The following PPAN variants were observed in gnomAD, a reference collection of about 807,000 sequenced individuals.
PPAN encodes the protein peter pan homolog, also known as suppressor of SWI4 1 homolog.
A neutral mutation model predicts 48.5 loss-of-function variants in PPAN; 39 were observed. The ratio of observed to expected loss-of-function variants is 0.80; its 90% CI spans 0.62 to 1.05. The LOEUF is 1.05. PPAN is among the 50% of genes least tolerant of loss of function. PPAN has a pLI of 0.00. For synonymous variants in PPAN, 315 were observed against 268.6 expected, an observed-to-expected ratio of 1.17 and a Z score of -1.69; for missense variants, 736 against 661.7, an observed-to-expected ratio of 1.11 and a Z score of -1.23.
In PPAN at chr19:10,110,087, G is replaced by A. The variant is rs1294452813; in HGVS notation, c.699-36G>A. ...CCCCAGAACAGGACCGGGAGCCTGA[G>A]CTCCCCCACTGAGCCCTGTTATGTC... On this transcript the variant is annotated intron_variant, in intron 7 of 11. Transcript: ENST00000253107. This position sits in a 1 kb window ranked among gnomAD's most constrained non-coding sequence, Gnocchi z 5.9. 3.1e-6 allele frequency: 5 copies of A among 1,609,614 alleles called. No homozygotes were observed. Among genetic ancestry groups the A allele is most frequent in the East Asian group, 2.2e-5 (1 of 44,784 alleles).
Position 10,108,102 on chromosome 19 carries a change from C to A in PPAN, c.481C>A (p.Gln161Lys). Reference protein sequence around the residue: ...MHVKLMATMFQNLFPSINVHK... With the variant: ...MHVKLMATMFKNLFPSINVHK... ...TGTGAAGCTCATGGCCACCATGTTC[C>A]AGAACCTGTTCCCCTCCATCAACGT... Residue 161 changes from glutamine (Q) to lysine (K), a missense_variant, in exon 5 of 12, where the codon CAG becomes AAG. By Grantham distance (53) the Gln-to-Lys change is moderately conservative (BLOSUM62 1). Coordinates refer to ENST00000253107, the MANE Select transcript of PPAN (RefSeq NM_020230.7). 6.2e-7 allele frequency: 1 copy of A among 1,613,450 alleles called. No individual in the cohort carries two copies. The highest frequency in any genetic ancestry group is 8.5e-7 in the Non-Finnish European group (1 of 1,179,578).
chr19:10,110,021 G>T lies in PPAN; in HGVS notation c.698+1G>T, dbSNP rs984580152. The T allele has an allele frequency of 4.5e-5, 73 of 1,613,738 alleles. No homozygotes were observed. The highest frequency in any genetic ancestry group is 5.9e-5 in the Non-Finnish European group (70 of 1,179,918). On this transcript the variant is annotated splice_donor_variant, in intron 7 of 11. Coordinates refer to ENST00000253107, the MANE Select transcript of PPAN (RefSeq NM_020230.7). LOFTEE classifies it high-confidence loss of function. The surrounding 1 kb of genome is among the most constrained non-coding windows in gnomAD (Gnocchi z 5.9). ...AGGACATCAGCGAGCTGCTGGCCAC[G>T]TGAGGAGGGCATAGGGCGGGAGGCC... is the stretch of plus-strand genomic sequence containing the variant.
chr19:10,110,059 G>T lies in PPAN; in HGVS notation c.698+39G>T. 1 of 1,611,474 alleles carries T rather than the reference G, an allele frequency of 6.2e-7. No homozygotes were observed. Among genetic ancestry groups the T allele is most frequent in the South Asian group, 1.1e-5 (1 of 91,058 alleles). ...AGGGCGGGAGGCCACTGCGGCCCGG[G>T]GACCCCAGAACAGGACCGGGAGCCT... On this transcript the variant is annotated intron_variant, in intron 7 of 11. Transcript: ENST00000253107. The surrounding 1 kb of genome is among the most constrained non-coding windows in gnomAD (Gnocchi z 5.9).
In PPAN at chr19:10,110,279, C is replaced by T. The variant is rs1342572884; in HGVS notation, c.822+33C>T. The T allele has an allele frequency of 1.8e-5, 29 of 1,612,768 alleles. No homozygotes were observed. Among genetic ancestry groups the T allele is most frequent in the Non-Finnish European group, 2.4e-5 (28 of 1,179,718 alleles). On this transcript the variant is annotated intron_variant, in intron 8 of 11. Transcript: ENST00000253107. The surrounding 1 kb of genome is among the most constrained non-coding windows in gnomAD (Gnocchi z 5.9). ...CCAGGGCAGGGGGACCCCCGGGCTC[C>T]ACCAGTCCCAACGGTGGGCTGACGC...
At position 10,108,032 on chromosome 19, in the gene PPAN, C is replaced by A; in HGVS notation, c.411C>A (p.His137Gln). The A allele has an allele frequency of 6.2e-7, 1 of 1,613,804 alleles. No homozygotes were observed. Among genetic ancestry groups the A allele is most frequent in the Non-Finnish European group, 8.5e-7 (1 of 1,179,830 alleles). The stretch of plus-strand genomic sequence containing the variant: ...GCATGCACGAGCAGCAGTTTGCCCA[C>A]CCACCCCTCCTGGTACTCAACAGCT... ...RHRMHEQQFAHPPLLVLNSFG... is the reference protein window; with the variant it reads ...RHRMHEQQFAQPPLLVLNSFG... The change falls in exon 5 of 12, where the codon CAC (histidine) becomes CAA (glutamine). Residue 137 changes from histidine to glutamine, a missense_variant. His to Gln is a conservative substitution (Grantham distance 24, BLOSUM62 0). Coordinates refer to ENST00000253107, the MANE Select transcript of PPAN (RefSeq NM_020230.7).
At chr19:10,108,579 T>C (rs1244892891) in intron 5 of PPAN, among the ~76,000 whole-genome samples, 3 of 151,882 alleles carry the variant, frequency 2.0e-5, no homozygotes, top group East Asian at 1.9e-4. Context: ...CGAGACCCCA[T>C]GTCTACAAAA....
chr19:10,109,254 C>T (rs569340280), intron 5 of PPAN, among the ~76,000 whole-genome samples: 4 of 152,126 alleles, frequency 2.6e-5, no homozygotes, highest in Admixed American at 2.0e-4. Flanking sequence ...CCACCGTGCC[C>T]GGCCTTCTTT....
In PPAN at chr19:10,107,587, C is replaced by G. The variant is rs1568482001; in HGVS notation, c.272C>G (p.Thr91Arg). The change falls in exon 3 of 12, where the codon ACA (threonine) becomes AGA (arginine). Residue 91 changes from threonine (T) to arginine (R), a missense_variant. Thr to Arg is a moderately conservative substitution (Grantham distance 71). Transcript: ENST00000253107. ...ACACACTTTCTGATCCTGAGCAAAA[C>G]AGAGACCAATGTCTACTTTGTGAGT... is the stretch of plus-strand genomic sequence containing the variant. ...GVTHFLILSK[T>R]ETNVYFKLMR... The G allele has an allele frequency of 3.1e-6, 5 of 1,614,156 alleles. No homozygotes were observed. The Admixed American group carries it at 6.7e-5, about 22-fold the overall frequency.
At position 10,111,105 on chromosome 19, in the gene PPAN, G is replaced by A. The variant is rs201555567; in HGVS notation, c.1362G>A (p.Gly454=). 578 of 1,612,150 alleles carry A rather than the reference G, an allele frequency of 3.6e-4. 4 individuals are homozygous for A. The highest frequency in any genetic ancestry group is 1.4e-4 in the Non-Finnish European group (162 of 1,179,480). ...QGAQARRGPR[G]ASRDGGRGRG... is the part of the protein sequence containing the mutation. ...CCCAGGCCAGGCGGGGGCCCAGAGG[G>A]GCTTCCCGGGATGGTGGGCGAGGCC... Residue 454 remains glycine (G), a synonymous_variant, in exon 12 of 12, where the codon GGG becomes GGA. Coordinates refer to ENST00000253107, the MANE Select transcript of PPAN (RefSeq NM_020230.7).
At position 10,111,447 on chromosome 19, in the gene PPAN, T is replaced by G. The variant is rs555923209; in HGVS notation, c.*282T>G. The G allele has an allele frequency of 1.6e-6, 1 of 621,698 alleles. No homozygotes were observed. Among genetic ancestry groups the G allele is most frequent in the South Asian group, 2.0e-5 (1 of 50,798 alleles). The allele number at this position is 621,698 out of a possible 1,614,324, so 38.5% of individuals were successfully genotyped here. ...CTACCCTGCACGGGGTTGGTTTCAT[T>G]GGTGGCAGCAGCAGCCATGAGTGGC... is the stretch of plus-strand genomic sequence containing the variant. On this transcript the variant is annotated 3_prime_UTR_variant, in exon 12 of 12. Transcript: ENST00000253107.
chr19:10,107,539 C>T lies in PPAN; in HGVS notation c.224C>T (p.Ala75Val), dbSNP rs1454471718. Reference sequence around the variant, plus strand: ...AAGAACTCGCTGAAGGACTGCGTGGCAGTGGCTGGGCCCCTCGGGGTCACA... The same window carrying T: ...AAGAACTCGCTGAAGGACTGCGTGGTAGTGGCTGGGCCCCTCGGGGTCACA... Reference protein sequence around the residue: ...RKKNSLKDCVAVAGPLGVTHF... With the variant: ...RKKNSLKDCVVVAGPLGVTHF... The change falls in exon 3 of 12, where the codon GCA becomes GTA. Residue 75 changes from alanine to valine, a missense_variant. Transcript: ENST00000253107. The T allele has an allele frequency of 6.2e-7, 1 of 1,614,018 alleles. No individual in the cohort carries two copies. Among genetic ancestry groups the T allele is most frequent in the African/African-American group, 1.3e-5 (1 of 74,932 alleles).
In PPAN at chr19:10,106,561, G is replaced by C; in HGVS notation, c.79G>C (p.Ala27Pro). Reference protein sequence around the residue: ...AQLRNLEAYAANPHSFVFTRG... With the variant: ...AQLRNLEAYAPNPHSFVFTRG... ...GCTCCGCAACCTCGAGGCCTATGCC[G>C]CGAACCCGCACTCGTTCGTGTTCAC... The change falls in exon 2 of 12, where the codon GCG (alanine) becomes CCG (proline). Residue 27 changes from alanine to proline, a missense_variant. Ala to Pro is a conservative substitution (Grantham distance 27). Coordinates refer to ENST00000253107, the MANE Select transcript of PPAN (RefSeq NM_020230.7). The C allele has an allele frequency of 1.3e-6, 2 of 1,553,456 alleles. No homozygotes were observed. The highest frequency in any genetic ancestry group is 1.7e-6 in the Non-Finnish European group (2 of 1,148,934).
At chr19:10,106,348 G>A (rs2088820022), upstream of PPAN, 1 of 1,548,628 alleles carries the variant, frequency 6.5e-7, no homozygotes, top group African/African-American at 1.4e-5. Context: ...GAGCTGCGCA[G>A]CGCCGGAAGC....
intron 5 of PPAN, 151 bp downstream of exon 5, chr19:10,108,285 T>A: frequency 8.0e-7 from 1 of 1,246,834 alleles, no homozygotes; most frequent in Non-Finnish European, 1.1e-6. Flanking sequence ...CTCCTGTGTC[T>A]GATGATGCTG....
At position 10,111,324 on chromosome 19, in the gene PPAN, G is replaced by C. The variant is rs990775640; in HGVS notation, c.*159G>C. 2.1e-6 allele frequency: 2 copies of C among 934,280 alleles called. No individual in the cohort carries two copies. The highest frequency in any genetic ancestry group is 2.9e-5 in the Admixed American group (1 of 34,280). 57.9% of individuals were successfully genotyped at this position (934,280 alleles called of 1,614,324 possible). A position where few individuals can be genotyped will look rare whatever the true frequency, so the allele number is the denominator to read the frequency against. ...GGTCCACGTCAGCGTTTGGGATGGGGGATTCTGGAGCCATACAAAGCAACC... is the reference window on the plus strand; with the variant it reads ...GGTCCACGTCAGCGTTTGGGATGGGCGATTCTGGAGCCATACAAAGCAACC... On this transcript the variant is annotated 3_prime_UTR_variant, in exon 12 of 12. Coordinates refer to ENST00000253107, the MANE Select transcript of PPAN (RefSeq NM_020230.7).
At position 10,107,481 on chromosome 19, in the gene PPAN, T is replaced by G. The variant is rs532546525; in HGVS notation, c.190-24T>G. 7 of 1,610,648 alleles carry G rather than the reference T, an allele frequency of 4.3e-6. No homozygotes were observed. The African/African-American group carries it at 6.7e-5, about 15-fold the overall frequency. On this transcript the variant is annotated intron_variant, in intron 2 of 11. Coordinates refer to ENST00000253107, the MANE Select transcript of PPAN (RefSeq NM_020230.7). Reference sequence around the variant, plus strand: ...ACAACAAGGGATAAGCTATGTTTTCTTTTTTTCTTTTTGTCATTTCCAGGT... The same window carrying G: ...ACAACAAGGGATAAGCTATGTTTTCGTTTTTTCTTTTTGTCATTTCCAGGT...
chr19:10,110,166 C>T lies in PPAN; in HGVS notation c.742C>T (p.His248Tyr), dbSNP rs1360512366. ...SESEAEPDGD[H>Y]NITELPQAVA... Reference sequence around the variant, plus strand: ...GAGCGAGGCAGAGCCTGACGGCGACCACAACATCACAGAGCTGCCTCAGGC... The same window carrying T: ...GAGCGAGGCAGAGCCTGACGGCGACTACAACATCACAGAGCTGCCTCAGGC... Residue 248 changes from histidine to tyrosine, a missense_variant, in exon 8 of 12, where the codon CAC (histidine) becomes TAC (tyrosine). Coordinates refer to ENST00000253107, the MANE Select transcript of PPAN (RefSeq NM_020230.7). This position sits in a 1 kb window ranked among gnomAD's most constrained non-coding sequence, Gnocchi z 5.9. 2 of 1,610,250 alleles carry T rather than the reference C, an allele frequency of 1.2e-6. No homozygotes were observed. Among genetic ancestry groups the T allele is most frequent in the African/African-American group, 1.3e-5 (1 of 74,918 alleles).
chr19:10,107,679 C>T (rs773834475), intron 3 of PPAN, 73 bp downstream of exon 3: 3 of 1,588,882 alleles, frequency 1.9e-6, no homozygotes, highest in East Asian at 2.2e-5. Flanking sequence ...AACACATATG[C>T]CTCTGAGCTG....
rs1024701351 is a variant in PPAN, at chr19:10,111,260, C to G, written c.*95C>G. 17 of 1,322,316 alleles carry G rather than the reference C, an allele frequency of 1.3e-5. No homozygotes were observed. The African/African-American group carries it at 2.4e-4, about 18-fold the overall frequency. 81.9% of individuals were successfully genotyped at this position (1,322,316 alleles called of 1,614,324 possible). A position where few individuals can be genotyped will look rare whatever the true frequency, so the allele number is the denominator to read the frequency against. ...TTCCTTTCATAAAGGAGTTGTGTCC[C>G]CAGCCCTTCCACTCCAGTAAAGAAC... On this transcript the variant is annotated 3_prime_UTR_variant, in exon 12 of 12. Transcript: ENST00000253107.
Sources: gnomAD v4.1 joint callset for allele counts (sites outside exome capture counted in the v4.1 genomes callset) on GRCh38, gnomAD v4.1.1 for gene constraint, Gnocchi (gnomAD v3.1) non-coding constraint, MANE v1.5 for transcripts, NCBI Gene and HGNC (gene_info 2026-07-23, HGNC 2026-07-21) for gene names.